TMEM132D: variants seen among roughly 807,000 people sequenced by gnomAD.
TMEM132D encodes transmembrane protein 132D.
TMEM132D carries 21 observed loss-of-function variants against 62.3 expected under a neutral mutation model. That is an observed-to-expected ratio of 0.34 (90% CI 0.24 to 0.49). The LOEUF is 0.49. Ranked by LOEUF, TMEM132D falls within the 20% of genes least tolerant of loss-of-function variation. The probability of loss-of-function intolerance (pLI) is 0.99; values close to 1 mark genes in which losing one functional copy is unlikely to be tolerated. For synonymous variants in TMEM132D, 621 were observed against 575.6 expected (o/e 1.08, Z -1.13); for missense variants, 1,346 against 1,402.8 (o/e 0.96, Z 0.65).
At chr12:129,264,909 T>C (rs1224292239) in intron 4 of TMEM132D, among the ~76,000 whole-genome samples, 1 of 152,036 alleles carries the variant, frequency 6.6e-6, no homozygotes, top group African/African-American at 2.4e-5. Context: ...CTTTGGGAAC[T>C]TGGGGGTAAG....
rs1593265493 is a variant in TMEM132D at position 129,112,535 on chromosome 12, T to G, written c.1444-27833A>C. Among the ~76,000 whole-genome samples the G allele has an allele frequency of 7.9e-5, 12 of 152,282 alleles. 1 individual carries two copies. The South Asian group carries it at 2.3e-3, about 29-fold the overall frequency. ...AAAATTAGCCGGGTATGGTGGCACA[T>G]GCCTGTAATTCCAGCTACTCAGGAG... On this transcript the variant is annotated intron_variant, in intron 5 of 8. Coordinates refer to ENST00000422113, the MANE Select transcript of TMEM132D (RefSeq NM_133448.3).
chr12:129,269,521 G>A (rs1034769050), intron 4 of TMEM132D, among the ~76,000 whole-genome samples: 1 of 152,104 alleles, frequency 6.6e-6, no homozygotes, highest in African/African-American at 2.4e-5. Context: ...GCACATAGAC[G>A]CTCAATAAGT....
intron 1 of TMEM132D, among the ~76,000 whole-genome samples, chr12:129,732,832 G>A (rs185472543): frequency 0.014 from 2,189 of 152,312 alleles, 23 homozygotes; most frequent in Non-Finnish European, 0.023. Context: ...CACACCCAGG[G>A]AGGGGATGGG....
intron 1 of TMEM132D, among the ~76,000 whole-genome samples, chr12:129,865,004 C>CAT (rs1344790777): frequency 6.6e-6 from 1 of 152,132 alleles, no homozygotes; most frequent in African/African-American, 2.4e-5. Flanking sequence ...AACTTATGCT[C>CAT]ATCATGGAGC....
chr12:129,128,330 T>G (rs1418526355), intron 5 of TMEM132D, among the ~76,000 whole-genome samples: 1 of 152,166 alleles, frequency 6.6e-6, no homozygotes, highest in Non-Finnish European at 1.5e-5. Context: ...GAAAAGAGGT[T>G]TAATTGACTC....
intron 4 of TMEM132D, among the ~76,000 whole-genome samples, chr12:129,244,341 G>A (rs960817981): frequency 6.9e-5 from 10 of 145,312 alleles, no homozygotes; most frequent in Non-Finnish European, 1.2e-4. Context: ...AGCCGAGATC[G>A]CGCCACTGCA....
intron 5 of TMEM132D, among the ~76,000 whole-genome samples, chr12:129,196,304 A>G (rs781058905): frequency 6.6e-6 from 1 of 152,176 alleles, no homozygotes; most frequent in Non-Finnish European, 1.5e-5. Flanking sequence ...TTATCTCTAG[A>G]AAGGGCATGT....
chr12:129,377,063 CAAACTCTTT>C (rs1257295404), intron 3 of TMEM132D, among the ~76,000 whole-genome samples: 1 of 152,220 alleles, frequency 6.6e-6, no homozygotes, highest in African/African-American at 2.4e-5. Flanking sequence ...TTTTAGCAAA[CAAACTCTTT>C]AAACATTGTA....
chr12:129,214,434 A>G (rs1002240342), intron 4 of TMEM132D, among the ~76,000 whole-genome samples: 1 of 152,230 alleles, frequency 6.6e-6, no homozygotes, highest in Non-Finnish European at 1.5e-5. Flanking sequence ...GGAAGCTTTT[A>G]AACATCTTAA....
Position 129,779,062 on chromosome 12 carries a change from C to A in TMEM132D, c.80-78364G>T, listed in dbSNP as rs948802284. Reference sequence around the variant, plus strand: ...TCCATGGCTGAGAGGGAGCCTGACCCCTTGCCTCTTTTTCCGTCAATGTCC... The same window carrying A: ...TCCATGGCTGAGAGGGAGCCTGACCACTTGCCTCTTTTTCCGTCAATGTCC... On this transcript the variant is annotated intron_variant, in intron 1 of 8. Transcript: ENST00000422113. This position sits in a 1 kb window ranked among gnomAD's most constrained non-coding sequence, Gnocchi z 4.1. Among the ~76,000 whole-genome samples the A allele has an allele frequency of 9.8e-5, 15 of 152,298 alleles. No individual in the cohort carries two copies. Among genetic ancestry groups the A allele is most frequent in the African/African-American group, 3.6e-4 (15 of 41,564 alleles).
At chr12:129,869,501 TG>T (rs1874173764) in intron 1 of TMEM132D, among the ~76,000 whole-genome samples, 1 of 152,228 alleles carries the variant, frequency 6.6e-6, no homozygotes, top group Non-Finnish European at 1.5e-5. Flanking sequence ...TTTAAGTGGT[TG>T]TTACGCCGTA....
At chr12:129,605,187 G>A (rs976262967) in intron 2 of TMEM132D, among the ~76,000 whole-genome samples, 3 of 152,072 alleles carry the variant, frequency 2.0e-5, no homozygotes, top group Non-Finnish European at 4.4e-5. Context: ...GTTCTCCTGT[G>A]TGACACCCAA....
intron 1 of TMEM132D, among the ~76,000 whole-genome samples, chr12:129,776,860 A>C (rs1300011155): frequency 6.6e-6 from 1 of 151,876 alleles, no homozygotes. Flanking sequence ...ATCTTTTATC[A>C]CAAAATCTGT....
intron 2 of TMEM132D, among the ~76,000 whole-genome samples, chr12:129,638,593 T>TTATATATAAATATATAA (rs1565932029): frequency 5.4e-4 from 2 of 3,714 alleles, no homozygotes; most frequent in Non-Finnish European, 1.2e-3. Flanking sequence ...TAAATATATA[T>TTATATATAAATATATAA]TTTTATATAT....
At chr12:129,419,241 G>A (rs949628378) in intron 3 of TMEM132D, among the ~76,000 whole-genome samples, 2 of 152,216 alleles carry the variant, frequency 1.3e-5, no homozygotes, top group South Asian at 4.2e-4. Context: ...CATGTTCTTG[G>A]GGGTGGGGTC....
chr12:129,215,578 T>A (rs981880481), intron 4 of TMEM132D, among the ~76,000 whole-genome samples: 1 of 152,192 alleles, frequency 6.6e-6, no homozygotes, highest in South Asian at 2.1e-4. Context: ...TAGGCACAGA[T>A]AATGTTGGAG....
intron 1 of TMEM132D, among the ~76,000 whole-genome samples, chr12:129,721,108 G>T (rs1868810970): frequency 6.6e-6 from 1 of 152,228 alleles, no homozygotes; most frequent in Non-Finnish European, 1.5e-5. Context: ...GTATTGGGGA[G>T]GGGTTTTTGA....
intron 5 of TMEM132D, among the ~76,000 whole-genome samples, chr12:129,201,676 T>A (rs919625942): frequency 6.6e-6 from 1 of 152,104 alleles, no homozygotes; most frequent in Non-Finnish European, 1.5e-5. Context: ...TTCTGAGGCA[T>A]CCATCTTGCT....
At chr12:129,496,632 G>A (rs1001348932) in intron 3 of TMEM132D, among the ~76,000 whole-genome samples, 3 of 151,174 alleles carry the variant, frequency 2.0e-5, no homozygotes, top group Non-Finnish European at 2.9e-5. Context: ...TGTTTTAGCA[G>A]TAACAATATT....
Sources: allele counts gnomAD v4.1 joint callset (sites outside exome capture counted in the v4.1 genomes callset), GRCh38; gene constraint gnomAD v4.1.1; non-coding constraint Gnocchi (gnomAD v3.1); transcripts MANE v1.5; gene names NCBI Gene and HGNC (gene_info 2026-07-23, HGNC 2026-07-21).